VPS36: variants seen among roughly 807,000 people sequenced by gnomAD.
The protein encoded by VPS36 is vacuolar protein sorting 36 homolog.
In VPS36, 31 loss-of-function variants were observed where a neutral mutation model predicts 63.5. That is an observed-to-expected ratio of 0.49 (90% confidence interval 0.37 to 0.66). The LOEUF is 0.66. Among genes scored for constraint, VPS36 ranks in the 30% least tolerant of loss-of-function variants. VPS36 has a pLI of 0.00. For missense variants in VPS36, 338 were observed against 463.7 expected, an observed-to-expected ratio of 0.73 and a Z score of 2.49; for synonymous variants, 138 against 157.2, an observed-to-expected ratio of 0.88 and a Z score of 0.91.
intron 3 of VPS36, among the ~76,000 whole-genome samples, chr13:52,437,292 C>G (rs1215761533): frequency 6.6e-6 from 1 of 152,062 alleles, no homozygotes; most frequent in East Asian, 1.9e-4. Context: ...GTGGGGCCAG[C>G]CTTGTAAGGA....
chr13:52,441,751 C>CA (rs1253607135), intron 2 of VPS36, among the ~76,000 whole-genome samples: 71 of 150,600 alleles, frequency 4.7e-4, no homozygotes, highest in African/African-American at 1.3e-3. Flanking sequence ...GACTCCATCT[C>CA]AAAAAAAAGG....
chr13:52,449,323 G>C (rs1365857378), intron 1 of VPS36, among the ~76,000 whole-genome samples: 1 of 152,196 alleles, frequency 6.6e-6, no homozygotes, highest in African/African-American at 2.4e-5. Flanking sequence ...TGGCGATAGA[G>C]CGAGACTCTG....
intron 1 of VPS36, among the ~76,000 whole-genome samples, chr13:52,448,544 G>T (rs556481698): frequency 7.5e-4 from 115 of 152,328 alleles, no homozygotes; most frequent in African/African-American, 2.6e-3. Flanking sequence ...CTAGATCACA[G>T]GGTCTAAAGC....
chr13:52,434,968 T>C, intron 4 of VPS36, 86 bp from the exon 5 acceptor site: 2 of 1,289,086 alleles, frequency 1.6e-6, no homozygotes, highest in South Asian at 2.8e-5. Flanking sequence ...TCTTTCTTTT[T>C]TTCTTTTTTT....
intron 1 of VPS36, among the ~76,000 whole-genome samples, chr13:52,444,847 G>A (rs995598611): frequency 6.6e-6 from 1 of 151,882 alleles, no homozygotes; most frequent in Admixed American, 6.6e-5. Context: ...TAAAAAAATC[G>A]ATCACAGGCA....
In VPS36 at chr13:52,428,803, T is replaced by C. The variant is rs1388629758; in HGVS notation, c.529-1584A>G. Among the ~76,000 whole-genome samples the C allele has an allele frequency of 3.9e-5, 6 of 152,160 alleles. No homozygotes were observed. In the East Asian group the frequency reaches 9.6e-4, roughly 24 times the overall value. On this transcript the variant is annotated intron_variant, in intron 6 of 13. Coordinates refer to ENST00000378060, the MANE Select transcript of VPS36 (RefSeq NM_016075.4). ...TTTTAAATTGTATATGGTAAATCAC[T>C]GTATTTATTATATTATGTTGCTGTA...
At chr13:52,449,763 T>C (rs554631633) in intron 1 of VPS36, among the ~76,000 whole-genome samples, 1 of 152,356 alleles carries the variant, frequency 6.6e-6, no homozygotes, top group Non-Finnish European at 1.5e-5. Flanking sequence ...ATTTCTCCTC[T>C]CGATTTGCAA....
At chr13:52,446,646 G>A (rs1958346495) in intron 1 of VPS36, among the ~76,000 whole-genome samples, 1 of 151,610 alleles carries the variant, frequency 6.6e-6, no homozygotes, top group South Asian at 2.1e-4. Context: ...TGTTATAAAA[G>A]TCATACATGT....
chr13:52,420,772 A>G (rs145412514), intron 10 of VPS36, among the ~76,000 whole-genome samples: 3 of 152,238 alleles, frequency 2.0e-5, no homozygotes, highest in African/African-American at 4.8e-5. Context: ...AAAATTTCAC[A>G]TGTACCCCAT....
In VPS36 at chr13:52,412,840, A is replaced by C. The variant is rs1957960602; in HGVS notation, c.*2990T>G. On this transcript the variant is annotated 3_prime_UTR_variant, in exon 14 of 14. Coordinates refer to ENST00000378060, the MANE Select transcript of VPS36 (RefSeq NM_016075.4). Reference sequence around the variant, plus strand: ...ACTCTAGATCGTAAGGGATGGGATTAGCAATAAATTTACATAAATTCAACC... The same window carrying C: ...ACTCTAGATCGTAAGGGATGGGATTCGCAATAAATTTACATAAATTCAACC... 6.6e-6 allele frequency: 1 copy of C among 152,354 alleles called. No individual in the cohort carries two copies. Among genetic ancestry groups the C allele is most frequent in the African/African-American group, 2.4e-5 (1 of 41,470 alleles). 9.4% of individuals were successfully genotyped at this position (152,354 alleles called of 1,614,324 possible).
At position 52,415,242 on chromosome 13, in the gene VPS36, G is replaced by T. The variant is rs1235034666; in HGVS notation, c.*588C>A. 2.0e-5 allele frequency: 3 copies of T among 152,160 alleles called. No individual in the cohort carries two copies. Among genetic ancestry groups the T allele is most frequent in the African/African-American group, 7.2e-5 (3 of 41,428 alleles). The allele number at this position is 152,160 out of a possible 1,614,324, so 9.4% of individuals were successfully genotyped here. On this transcript the variant is annotated 3_prime_UTR_variant, in exon 14 of 14. Transcript: ENST00000378060. ...GTTGCATTCTTTAAATGCCAGTCAT[G>T]AAATCATCACTTAAAAAAACAAAGA...
chr13:52,416,250 C>T, intron 12 of VPS36, 157 bp from the exon 13 acceptor site: 1 of 723,854 alleles, frequency 1.4e-6, no homozygotes, highest in South Asian at 2.0e-5. Flanking sequence ...CACACTATAA[C>T]TAAATTTTAA....
intron 6 of VPS36, among the ~76,000 whole-genome samples, chr13:52,430,864 CT>C (rs1160057305): frequency 6.6e-6 from 1 of 151,426 alleles, no homozygotes; most frequent in African/African-American, 2.4e-5. Flanking sequence ...ATTATCATCA[CT>C]CTTTGATAGC....
chr13:52,441,145 C>A (rs1187718292), intron 2 of VPS36, among the ~76,000 whole-genome samples: 1 of 152,110 alleles, frequency 6.6e-6, no homozygotes, highest in African/African-American at 2.4e-5. Context: ...GGGTTGGGGA[C>A]CCCTGCTCTA....
At position 52,434,167 on chromosome 13, in the gene VPS36, T is replaced by A. The variant is rs55796806; in HGVS notation, c.442-419A>T. ...GTACCTGTCTAGTGTTGGTGATTAA[T>A]TTAGACAGGCCTGGAAAACATTACC... On this transcript the variant is annotated intron_variant, in intron 5 of 13. Transcript: ENST00000378060. 8.8e-3 allele frequency among the ~76,000 whole-genome samples: 1,345 copies of A among 152,262 alleles called. 18 individuals carry two copies. Among genetic ancestry groups the A allele is most frequent in the African/African-American group, 0.031 (1,285 of 41,548 alleles).
intron 12 of VPS36, among the ~76,000 whole-genome samples, chr13:52,416,761 A>T (rs1407683927): frequency 6.6e-6 from 1 of 152,226 alleles, no homozygotes; most frequent in Non-Finnish European, 1.5e-5. Context: ...CATCTGATAA[A>T]GTTAAAAACC....
At chr13:52,431,507 GTA>G (rs1958153823) in intron 6 of VPS36, among the ~76,000 whole-genome samples, 2 of 152,106 alleles carry the variant, frequency 1.3e-5, no homozygotes, top group Non-Finnish European at 2.9e-5. Context: ...GCTCATGCCT[GTA>G]ATCCTAGCAC....
intron 2 of VPS36, among the ~76,000 whole-genome samples, chr13:52,440,562 G>A (rs1958266223): frequency 6.6e-6 from 1 of 152,122 alleles, no homozygotes; most frequent in African/African-American, 2.4e-5. Context: ...CAACGTGCTG[G>A]GATTACAGGC....
At chr13:52,422,663 G>C (rs1008850596) in intron 10 of VPS36, among the ~76,000 whole-genome samples, 1 of 152,070 alleles carries the variant, frequency 6.6e-6, no homozygotes, top group East Asian at 1.9e-4. Flanking sequence ...TTTGGCTTTC[G>C]TTGCTGCACT....
Sources: gnomAD v4.1 joint callset for allele counts (sites outside exome capture counted in the v4.1 genomes callset) on GRCh38, gnomAD v4.1.1 for gene constraint, MANE v1.5 for transcripts, NCBI Gene and HGNC (gene_info 2026-07-23, HGNC 2026-07-21) for gene names.